The following CFAP299 variants were observed in gnomAD, a reference collection of about 807,000 sequenced individuals.
CFAP299 encodes cilia- and flagella-associated protein 299.
In CFAP299, 21 loss-of-function variants were observed where a neutral mutation model predicts 27.0. The ratio of observed to expected loss-of-function variants is 0.78; its 90% CI spans 0.55 to 1.12. CFAP299 has a LOEUF of 1.12. Among genes scored for constraint, CFAP299 ranks in the 50% most tolerant of loss-of-function variants. CFAP299 has a pLI of 0.00. For missense variants in CFAP299, 310 were observed against 276.6 expected (o/e 1.12, Z -0.86); for synonymous variants, 104 against 98.1 (o/e 1.06, Z -0.36).
chr4:80,724,606 A>G (rs1175458483), intron 3 of CFAP299, among the ~76,000 whole-genome samples: 1 of 152,100 alleles, frequency 6.6e-6, no homozygotes, highest in Non-Finnish European at 1.5e-5. Context: ...CAAAATAACA[A>G]TAAAAAGCAG....
chr4:80,493,355 C>G (rs1030451588), intron 2 of CFAP299, among the ~76,000 whole-genome samples: 6 of 152,208 alleles, frequency 3.9e-5, no homozygotes, highest in African/African-American at 1.4e-4. Flanking sequence ...CACGTGGCCC[C>G]TGCTACTGTG....
chr4:80,558,594 G>A (rs1045565669), intron 2 of CFAP299, among the ~76,000 whole-genome samples: 30 of 151,626 alleles, frequency 2.0e-4, no homozygotes, highest in Admixed American at 3.3e-4. Context: ...AAATAAGAGC[G>A]TCAGGCAGAG....
At chr4:80,689,329 C>G (rs1313833517) in intron 3 of CFAP299, among the ~76,000 whole-genome samples, 1 of 152,196 alleles carries the variant, frequency 6.6e-6, no homozygotes, top group Non-Finnish European at 1.5e-5. Context: ...GCCCATCAGA[C>G]TAACAGCGGA....
chr4:80,850,010 A>T (rs1271791176), intron 3 of CFAP299, among the ~76,000 whole-genome samples: 5 of 152,150 alleles, frequency 3.3e-5, no homozygotes, highest in Non-Finnish European at 7.4e-5. Context: ...TGTGTCAATT[A>T]AACATTTTAA....
chr4:80,544,082 A>C (rs1301318385), intron 2 of CFAP299, among the ~76,000 whole-genome samples: 1 of 152,238 alleles, frequency 6.6e-6, no homozygotes, highest in Non-Finnish European at 1.5e-5. Flanking sequence ...ATTCCGACCA[A>C]GAATTTCATA....
Position 80,621,663 on chromosome 4 carries a change from G to A in CFAP299, c.333+38480G>A, listed in dbSNP as rs111999155. On this transcript the variant is annotated intron_variant, in intron 3 of 5. Transcript: ENST00000358105. ...ATAAATGAGACAAAGACTCTAGAAG[G>A]TCTTATAGTTATATTAATTATTTGT... Among the ~76,000 whole-genome samples the A allele has an allele frequency of 7.9e-5, 12 of 151,936 alleles. 2 individuals carry two copies. Among genetic ancestry groups the A allele is most frequent in the African/African-American group, 2.9e-4 (12 of 41,460 alleles).
intron 3 of CFAP299, among the ~76,000 whole-genome samples, chr4:80,861,332 G>T (rs1732340168): frequency 6.6e-6 from 1 of 152,166 alleles, no homozygotes; most frequent in African/African-American, 2.4e-5. Context: ...CTTTGACTAG[G>T]AACGGGAACT....
intron 1 of CFAP299, among the ~76,000 whole-genome samples, chr4:80,356,706 A>C (rs892324981): frequency 3.9e-5 from 6 of 151,940 alleles, no homozygotes; most frequent in Non-Finnish European, 1.5e-5. Context: ...ACTTTGCTGG[A>C]GTTGCTTATC....
intron 3 of CFAP299, among the ~76,000 whole-genome samples, chr4:80,702,758 A>G (rs1004451350): frequency 1.4e-4 from 22 of 151,852 alleles, no homozygotes; most frequent in Admixed American, 1.4e-3. Context: ...ATTTCATTCT[A>G]GTTAATTGCT....
intron 3 of CFAP299, among the ~76,000 whole-genome samples, chr4:80,591,430 C>T (rs942097018): frequency 5.3e-5 from 8 of 152,082 alleles, no homozygotes; most frequent in Non-Finnish European, 1.2e-4. Context: ...TATCTAGTAA[C>T]TTGTTTACAA....
chr4:80,349,184 T>C (rs1036177482), intron 1 of CFAP299, among the ~76,000 whole-genome samples: 4 of 152,198 alleles, frequency 2.6e-5, no homozygotes, highest in Non-Finnish European at 4.4e-5. Flanking sequence ...TTGACACAGA[T>C]GTTGGAGAAG....
At chr4:80,441,811 C>G (rs956289689) in intron 2 of CFAP299, among the ~76,000 whole-genome samples, 1 of 152,102 alleles carries the variant, frequency 6.6e-6, no homozygotes, top group African/African-American at 2.4e-5. Flanking sequence ...TCAGGAGAAC[C>G]TACTCATGTG....
At chr4:80,445,222 C>T (rs940076701) in intron 2 of CFAP299, among the ~76,000 whole-genome samples, 1 of 152,172 alleles carries the variant, frequency 6.6e-6, no homozygotes, top group East Asian at 1.9e-4. Context: ...GACACATGCA[C>T]ACATATGTTT....
At chr4:80,793,764 G>T (rs1334045979) in intron 3 of CFAP299, among the ~76,000 whole-genome samples, 1 of 152,124 alleles carries the variant, frequency 6.6e-6, no homozygotes, top group Non-Finnish European at 1.5e-5. Flanking sequence ...TATTTTCTTA[G>T]TACAAGTGTA....
At chr4:80,348,783 G>A (rs915139971) in intron 1 of CFAP299, among the ~76,000 whole-genome samples, 30 of 152,308 alleles carry the variant, frequency 2.0e-4, no homozygotes, top group Non-Finnish European at 2.6e-4. Flanking sequence ...ATGAAATACC[G>A]AGGAATCCCA....
In CFAP299 at chr4:80,944,901, T is replaced by C. The variant is rs780115293; in HGVS notation, c.568T>C (p.Tyr190His). ...ADNPEGLLFR[Y>H]KRDRKILNVD... ...TAATCCAGAAGGCTTACTTTTCAGA[T>C]ACAAAAGAGACAGAAAAATTCTTAA... is the stretch of plus-strand genomic sequence containing the variant. The change falls in exon 5 of 6, where the codon TAC (tyrosine) becomes CAC (histidine). Residue 190 changes from tyrosine (Y) to histidine (H), a missense_variant. Transcript: ENST00000358105. 17 of 1,612,986 alleles carry C rather than the reference T, an allele frequency of 1.1e-5. No homozygotes were observed. The highest frequency in any genetic ancestry group is 1.4e-5 in the Non-Finnish European group (16 of 1,179,394).
intron 1 of CFAP299, among the ~76,000 whole-genome samples, chr4:80,345,430 C>T (rs1040898818): frequency 6.9e-6 from 1 of 145,668 alleles, no homozygotes; most frequent in Non-Finnish European, 1.5e-5. Context: ...CCCCCTCCCC[C>T]CAACCCATGA....
intron 2 of CFAP299, among the ~76,000 whole-genome samples, chr4:80,514,203 G>A (rs947797523): frequency 2.6e-5 from 4 of 151,934 alleles, no homozygotes; most frequent in African/African-American, 7.2e-5. Context: ...ATATTATTGA[G>A]GAGAAGAGAT....
At position 80,362,785 on chromosome 4, in the gene CFAP299, T is replaced by C; in HGVS notation, c.143T>C (p.Leu48Pro). ...DETLARQLVE[L>P]GYRGTGERVK... Reference sequence around the variant, plus strand: ...ACCCTGGCCCGCCAGTTGGTGGAGCTAGGCTACCGAGGGACTGGAGAGAGA... The same window carrying C: ...ACCCTGGCCCGCCAGTTGGTGGAGCCAGGCTACCGAGGGACTGGAGAGAGA... Residue 48 changes from leucine to proline, a missense_variant, in exon 2 of 6, where the codon CTA becomes CCA. Leu to Pro is a moderately conservative substitution (Grantham distance 98). Transcript: ENST00000358105. The C allele has an allele frequency of 6.2e-7, 1 of 1,611,880 alleles. No homozygotes were observed. The highest frequency in any genetic ancestry group is 1.7e-5 in the Admixed American group (1 of 59,142).
Sources: gnomAD v4.1 joint callset for allele counts (sites outside exome capture counted in the v4.1 genomes callset) on GRCh38, gnomAD v4.1.1 for gene constraint, MANE v1.5 for transcripts, NCBI Gene and HGNC (gene_info 2026-07-23, HGNC 2026-07-21) for gene names.